The following ADAM12 variants were observed in gnomAD, a reference collection of about 807,000 sequenced individuals.
ADAM12 encodes the protein ADAM metallopeptidase domain 12.
In ADAM12, 70 loss-of-function variants were observed where a neutral mutation model predicts 106.4. The observed-to-expected ratio is 0.66, with a 90% confidence interval of 0.54 to 0.80. The LOEUF (loss-of-function observed/expected upper bound fraction) is 0.80. ADAM12 is among the 30% of genes least tolerant of loss of function. The pLI is 0.00. For missense variants in ADAM12, 1,010 were observed against 1,171.9 expected, an observed-to-expected ratio of 0.86 and a Z score of 2.02; for synonymous variants, 420 against 433.5, an observed-to-expected ratio of 0.97 and a Z score of 0.39.
Position 126,065,040 on chromosome 10 carries a change from G to C in ADAM12, c.1414-39C>G, listed in dbSNP as rs762881015. On this transcript the variant is annotated intron_variant, in intron 13 of 22. Transcript: ENST00000448723. ...GCCATTTATGACACATGCACCCGGGGAAAGGGAGAGGCAGCTCTCAGCATT... is the reference window on the plus strand; with the variant it reads ...GCCATTTATGACACATGCACCCGGGCAAAGGGAGAGGCAGCTCTCAGCATT... 9.6e-6 allele frequency: 15 copies of C among 1,565,992 alleles called. No homozygotes were observed. In the South Asian group the frequency reaches 1.8e-4, roughly 19 times the overall value.
chr10:126,041,353 T>C (rs890763700), intron 18 of ADAM12: 1 of 985,798 alleles, frequency 1.0e-6, no homozygotes, highest in Non-Finnish European at 1.2e-6. Flanking sequence ...GTATTTCAAA[T>C]GCACTCTATT....
chr10:126,256,086 G>A (rs766962328), intron 3 of ADAM12, among the ~76,000 whole-genome samples: 1 of 152,152 alleles, frequency 6.6e-6, no homozygotes, highest in Non-Finnish European at 1.5e-5. Flanking sequence ...CAGATCACCT[G>A]GGACACTTAA....
At chr10:126,021,979 T>C (rs1953776129) in intron 21 of ADAM12, among the ~76,000 whole-genome samples, 1 of 152,210 alleles carries the variant, frequency 6.6e-6, no homozygotes, top group African/African-American at 2.4e-5. Context: ...CATGTAAAAA[T>C]GGATGTATGC....
At chr10:126,259,439 A>G (rs535750373) in intron 3 of ADAM12, among the ~76,000 whole-genome samples, 1 of 149,050 alleles carries the variant, frequency 6.7e-6, no homozygotes, top group Non-Finnish European at 1.5e-5. Context: ...ATATTTTTGC[A>G]AAGTTTGTTT....
intron 1 of ADAM12, among the ~76,000 whole-genome samples, chr10:126,345,770 G>C (rs2133877407): frequency 6.6e-6 from 1 of 152,280 alleles, no homozygotes; most frequent in East Asian, 1.9e-4. Context: ...TTGTGTTGAG[G>C]AATTTATCCA....
intron 8 of ADAM12, among the ~76,000 whole-genome samples, chr10:126,101,514 C>A (rs1486696682): frequency 6.6e-6 from 1 of 152,186 alleles, no homozygotes; most frequent in Non-Finnish European, 1.5e-5. Context: ...TGGAAGCATA[C>A]ATTTCAAATG....
At chr10:126,051,536 CCCATCCAT>C (rs61278142) in intron 14 of ADAM12, among the ~76,000 whole-genome samples, 1,230 of 118,830 alleles carry the variant, frequency 0.01, 20 homozygotes, top group African/African-American at 0.027. Flanking sequence ...CAGCCAGCCA[CCCATCCAT>C]CCATCCATCC....
intron 3 of ADAM12, among the ~76,000 whole-genome samples, chr10:126,269,566 G>C (rs1425221028): frequency 6.6e-6 from 1 of 152,180 alleles, no homozygotes. Flanking sequence ...CGCACCAGGA[G>C]AGGGAAGGTG....
At chr10:126,110,457 G>A (rs1955849204) in intron 6 of ADAM12, among the ~76,000 whole-genome samples, 2 of 151,740 alleles carry the variant, frequency 1.3e-5, no homozygotes, top group Non-Finnish European at 1.5e-5. Context: ...CTAATGAACA[G>A]AGAAGTGAGA....
intron 11 of ADAM12, among the ~76,000 whole-genome samples, chr10:126,078,734 A>G (rs1035683736): frequency 6.6e-6 from 1 of 152,142 alleles, no homozygotes; most frequent in Admixed American, 6.6e-5. Flanking sequence ...AAATTTTGGA[A>G]CAATCCAATG....
intron 3 of ADAM12, among the ~76,000 whole-genome samples, chr10:126,159,047 C>T (rs901240912): frequency 3.3e-5 from 5 of 152,096 alleles, no homozygotes; most frequent in East Asian, 1.9e-4. Flanking sequence ...CAGTGGCTCA[C>T]GCCTGTAATC....
intron 3 of ADAM12, among the ~76,000 whole-genome samples, chr10:126,204,309 T>C (rs1291731464): frequency 6.6e-6 from 1 of 152,194 alleles, no homozygotes; most frequent in Non-Finnish European, 1.5e-5. Flanking sequence ...TGGGTGAAGA[T>C]GTGATGCTTG....
At chr10:126,026,386 A>G (rs1231968159) in intron 21 of ADAM12, among the ~76,000 whole-genome samples, 2 of 152,176 alleles carry the variant, frequency 1.3e-5, no homozygotes, top group African/African-American at 4.8e-5. Context: ...TAGAAAATCA[A>G]CAAAGACATT....
At chr10:126,276,362 T>C (rs755106152) in intron 3 of ADAM12, among the ~76,000 whole-genome samples, 9 of 152,242 alleles carry the variant, frequency 5.9e-5, no homozygotes, top group Non-Finnish European at 1.3e-4. Flanking sequence ...GGCCAATGGC[T>C]ATGCAAATTT....
intron 3 of ADAM12, among the ~76,000 whole-genome samples, chr10:126,262,602 A>G (rs1261651201): frequency 6.6e-6 from 1 of 152,230 alleles, no homozygotes; most frequent in African/African-American, 2.4e-5. Context: ...TGAACACATA[A>G]AAGAATGTGG....
At chr10:126,170,100 C>T (rs1233811061) in intron 3 of ADAM12, among the ~76,000 whole-genome samples, 1 of 152,202 alleles carries the variant, frequency 6.6e-6, no homozygotes, top group African/African-American at 2.4e-5. Context: ...TTTTCTTGGC[C>T]GTGGCGGAAG....
chr10:126,353,095 T>C (rs1479089523), intron 1 of ADAM12, among the ~76,000 whole-genome samples: 1 of 152,168 alleles, frequency 6.6e-6, no homozygotes, highest in African/African-American at 2.4e-5. Context: ...ATCTCCTGCA[T>C]ACCAAATGCA....
intron 10 of ADAM12, 39 bp from the exon 11 acceptor site, chr10:126,094,172 T>G (rs750241211): frequency 1.3e-6 from 2 of 1,595,598 alleles, no homozygotes; most frequent in Admixed American, 1.7e-5. Context: ...ATAATTCATA[T>G]CTCCTTGGCC....
chr10:126,280,599 G>A (rs967866224), intron 2 of ADAM12, among the ~76,000 whole-genome samples: 13 of 152,146 alleles, frequency 8.5e-5, no homozygotes, highest in Non-Finnish European at 1.8e-4. Flanking sequence ...ATTGCCACCT[G>A]AGAATTAGAT....
Sources: allele counts gnomAD v4.1 joint callset (sites outside exome capture counted in the v4.1 genomes callset), GRCh38; gene constraint gnomAD v4.1.1; transcripts MANE v1.5; gene names NCBI Gene and HGNC (gene_info 2026-07-23, HGNC 2026-07-21).